The following LYST variants were observed in gnomAD, a reference collection of about 807,000 sequenced individuals.
LYST encodes lysosomal trafficking regulator, also known as lysosomal-trafficking regulator.
A neutral mutation model predicts 413.6 loss-of-function variants in LYST; 192 were observed. The observed-to-expected ratio is 0.46, with a 90% confidence interval of 0.41 to 0.52. The LOEUF (loss-of-function observed/expected upper bound fraction) is 0.52. LYST is among the 20% of genes least tolerant of loss of function. The probability of loss-of-function intolerance (pLI) is 0.00; values close to 1 mark genes in which losing one functional copy is unlikely to be tolerated. For missense variants in LYST, 3,815 were observed against 4,499.9 expected, an observed-to-expected ratio of 0.85 and a Z score of 4.35; for synonymous variants, 1,525 against 1,567.3, an observed-to-expected ratio of 0.97 and a Z score of 0.64.
At chr1:235,711,591 G>A (rs932630282) in intron 43 of LYST, among the ~76,000 whole-genome samples, 2 of 152,166 alleles carry the variant, frequency 1.3e-5, no homozygotes, top group Non-Finnish European at 2.9e-5. Flanking sequence ...TGGCATCACA[G>A]AAAATTTGAT....
chr1:235,688,385 C>A (rs933873442), intron 47 of LYST, among the ~76,000 whole-genome samples: 11 of 152,218 alleles, frequency 7.2e-5, no homozygotes, highest in African/African-American at 2.7e-4. Flanking sequence ...AGAGGATAAT[C>A]TAATATGTGA....
intron 1 of LYST, among the ~76,000 whole-genome samples, chr1:235,849,759 C>A (rs1378282439): frequency 6.9e-6 from 1 of 145,240 alleles, no homozygotes; most frequent in Non-Finnish European, 1.5e-5. Context: ...GAACTCAACC[C>A]CTTTTACAAT....
chr1:235,709,069 T>C, intron 44 of LYST, 22 bp downstream of exon 44: 1 of 1,600,340 alleles, frequency 6.2e-7, no homozygotes, highest in Non-Finnish European at 8.6e-7. Flanking sequence ...TAAATACAGA[T>C]TGTTTTAAAA....
chr1:235,858,453 T>C (rs1299626620), intron 1 of LYST, among the ~76,000 whole-genome samples: 2 of 152,222 alleles, frequency 1.3e-5, no homozygotes, highest in Non-Finnish European at 2.9e-5. Flanking sequence ...TTGGTCATTC[T>C]TTGGCCCTTA....
At chr1:235,815,365 G>A (rs1673942166) in intron 3 of LYST, among the ~76,000 whole-genome samples, 1 of 152,130 alleles carries the variant, frequency 6.6e-6, no homozygotes, top group South Asian at 2.1e-4. Context: ...AATTATCTAG[G>A]AAAGAGATTA....
upstream of LYST, among the ~76,000 whole-genome samples, chr1:235,870,298 A>G (rs1680870972): frequency 6.6e-6 from 1 of 152,196 alleles, no homozygotes; most frequent in Non-Finnish European, 1.5e-5. Flanking sequence ...TGAAGGTGTA[A>G]ACAGGCCATA....
At chr1:235,816,399 C>T (rs1027198825) in intron 3 of LYST, among the ~76,000 whole-genome samples, 12 of 148,994 alleles carry the variant, frequency 8.1e-5, no homozygotes, top group Non-Finnish European at 1.8e-4. Flanking sequence ...GAGATCACAC[C>T]ACTGCACTCC....
intron 41 of LYST, 48 bp downstream of exon 41, chr1:235,716,664 A>G: frequency 7.9e-7 from 1 of 1,261,374 alleles, no homozygotes; most frequent in Non-Finnish European, 1.2e-6. Context: ...TCTGTAAAAC[A>G]AAACACAATT....
intron 1 of LYST, among the ~76,000 whole-genome samples, chr1:235,836,005 A>G (rs1676532718): frequency 6.6e-6 from 1 of 152,264 alleles, no homozygotes; most frequent in Non-Finnish European, 1.5e-5. Flanking sequence ...GAATTTTTAT[A>G]TCCTTAGCAT....
upstream of LYST, among the ~76,000 whole-genome samples, chr1:235,871,896 G>A (rs144185016): frequency 3.3e-5 from 5 of 152,200 alleles, no homozygotes; most frequent in African/African-American, 1.2e-4. Flanking sequence ...TCTACATGTC[G>A]GGGAGGAAAT....
chr1:235,719,904 G>A (rs1442736595), intron 40 of LYST, among the ~76,000 whole-genome samples: 1 of 152,054 alleles, frequency 6.6e-6, no homozygotes, highest in East Asian at 1.9e-4. Context: ...CTGGCTGGGT[G>A]TAGTGGCTCA....
At chr1:235,703,370 A>G (rs1261561199) in intron 44 of LYST, among the ~76,000 whole-genome samples, 1 of 152,214 alleles carries the variant, frequency 6.6e-6, no homozygotes, top group Admixed American at 6.5e-5. Flanking sequence ...GGTTCTAATC[A>G]ATATTGGGGA....
At chr1:235,727,843 T>A (rs1030745361) in intron 38 of LYST, among the ~76,000 whole-genome samples, 2 of 152,164 alleles carry the variant, frequency 1.3e-5, no homozygotes, top group African/African-American at 4.8e-5. Context: ...TAGGAGCATT[T>A]AGAATATGAC....
At chr1:235,870,358 CTGTT>C (rs1009684355), upstream of LYST, among the ~76,000 whole-genome samples, 2 of 152,228 alleles carry the variant, frequency 1.3e-5, no homozygotes, top group African/African-American at 2.4e-5. Context: ...ATGTAGCCAA[CTGTT>C]TGAACTGTGT....
At chr1:235,670,774 C>A (rs1423611677) in intron 50 of LYST, among the ~76,000 whole-genome samples, 1 of 152,096 alleles carries the variant, frequency 6.6e-6, no homozygotes, top group African/African-American at 2.4e-5. Flanking sequence ...TAAAGGAGTG[C>A]AAGAAACCTC....
At chr1:235,865,652 G>A (rs1680427601) in intron 1 of LYST, among the ~76,000 whole-genome samples, 1 of 152,114 alleles carries the variant, frequency 6.6e-6, no homozygotes, top group Admixed American at 6.5e-5. Context: ...AAGAGTTGTT[G>A]GCCACTTAAC....
chr1:235,682,548 G>A (rs577800247), intron 48 of LYST, among the ~76,000 whole-genome samples: 2 of 152,124 alleles, frequency 1.3e-5, no homozygotes, highest in Non-Finnish European at 2.9e-5. Flanking sequence ...AGACAACCTG[G>A]GGCTGGAACA....
intron 1 of LYST, among the ~76,000 whole-genome samples, chr1:235,881,966 A>T (rs1219262933): frequency 6.6e-6 from 1 of 152,116 alleles, no homozygotes; most frequent in African/African-American, 2.4e-5. Context: ...AAGAATGTGA[A>T]TGTACAGTTA....
chr1:235,719,722 C>T (rs1163478443), intron 40 of LYST, among the ~76,000 whole-genome samples: 1 of 151,636 alleles, frequency 6.6e-6, no homozygotes, highest in East Asian at 1.9e-4. Flanking sequence ...CTAAGCAAGA[C>T]TTTTCCAGTC....
Sources: gnomAD v4.1 joint callset for allele counts (sites outside exome capture counted in the v4.1 genomes callset) on GRCh38, gnomAD v4.1.1 for gene constraint, MANE v1.5 for transcripts, NCBI Gene and HGNC (gene_info 2026-07-23, HGNC 2026-07-21) for gene names.